The following LTBP1 variants were observed in gnomAD, a reference collection of about 807,000 sequenced individuals.
LTBP1 encodes latent transforming growth factor beta binding protein 1.
A neutral mutation model predicts 207.6 loss-of-function variants in LTBP1; 129 were observed. The ratio of observed to expected loss-of-function variants is 0.62; its 90% CI spans 0.54 to 0.72. The LOEUF (loss-of-function observed/expected upper bound fraction) is 0.72. Among genes scored for constraint, LTBP1 ranks in the 30% least tolerant of loss-of-function variants. LTBP1 has a pLI of 0.00. For missense variants in LTBP1, 2,281 were observed against 2,217.2 expected (o/e 1.03, Z -0.58); for synonymous variants, 963 against 833.7 (o/e 1.16, Z -2.67).
rs545908696 is a variant in LTBP1 at position 33,136,649 on chromosome 2, C to G, written c.1201+1689C>G. 5.9e-5 allele frequency among the ~76,000 whole-genome samples: 9 copies of G among 152,172 alleles called. No homozygotes were observed. In the East Asian group the frequency reaches 1.7e-3, roughly 29 times the overall value. On this transcript the variant is annotated intron_variant, in intron 5 of 33. Coordinates refer to ENST00000404816, the MANE Select transcript of LTBP1 (RefSeq NM_206943.4). ...TTCCCTCCTTGTGTTTATTGTAAAT[C>G]TTTACAGTAGCAATGACAAAATAAT...
At chr2:32,956,654 G>A (rs185005824) in intron 2 of LTBP1, among the ~76,000 whole-genome samples, 200 of 152,196 alleles carry the variant, frequency 1.3e-3, no homozygotes, top group East Asian at 1.2e-3. Context: ...CTGTTAATGT[G>A]GATACTTTAA....
At chr2:33,100,702 C>CT (rs1025124914) in intron 3 of LTBP1, among the ~76,000 whole-genome samples, 6 of 152,162 alleles carry the variant, frequency 3.9e-5, no homozygotes, top group African/African-American at 1.4e-4. Flanking sequence ...CTCTCTCTCT[C>CT]TCCCCCAACC....
At chr2:33,037,401 T>G (rs2075977477) in intron 3 of LTBP1, among the ~76,000 whole-genome samples, 1 of 152,228 alleles carries the variant, frequency 6.6e-6, no homozygotes, top group African/African-American at 2.4e-5. Context: ...TTTATTAATC[T>G]GCTATTCTGT....
At position 33,123,030 on chromosome 2, in the gene LTBP1, C is replaced by A. The variant is rs577924890; in HGVS notation, c.1034-11763C>A. On this transcript the variant is annotated intron_variant, in intron 4 of 33. Coordinates refer to ENST00000404816, the MANE Select transcript of LTBP1 (RefSeq NM_206943.4). Reference sequence around the variant, plus strand: ...TGACTTCTAGAGAGGGAAAACCCAGCTGCTCAACTTTTCCTCACTCTCTTT... The same window carrying A: ...TGACTTCTAGAGAGGGAAAACCCAGATGCTCAACTTTTCCTCACTCTCTTT... Among the ~76,000 whole-genome samples the A allele has an allele frequency of 3.3e-5, 5 of 152,336 alleles. No individual in the cohort carries two copies. In the South Asian group the frequency reaches 1.0e-3, roughly 32 times the overall value.
Position 33,109,670 on chromosome 2 carries a change from A to G in LTBP1, c.864-912A>G, listed in dbSNP as rs117609652. Among the ~76,000 whole-genome samples, 865 of 152,326 alleles carry G rather than the reference A, an allele frequency of 5.7e-3. 21 individuals carry two copies. The highest frequency in any genetic ancestry group is 0.04 in the South Asian group (193 of 4,824). On this transcript the variant is annotated intron_variant, in intron 3 of 33. Transcript: ENST00000404816. ...AAGATAATGAGAGTATAATTATAAA[A>G]CATTTAACTCAAATAGTACAATTTA...
chr2:33,372,034 A>T (rs1168647322), intron 31 of LTBP1, among the ~76,000 whole-genome samples: 2 of 152,226 alleles, frequency 1.3e-5, no homozygotes, highest in Non-Finnish European at 2.9e-5. Flanking sequence ...AAGGTTGAGT[A>T]CTACCTGCAG....
intron 32 of LTBP1, 142 bp from the exon 33 acceptor site, chr2:33,396,991 C>A (rs1051704269): frequency 2.9e-5 from 20 of 680,444 alleles, no homozygotes; most frequent in Non-Finnish European, 4.7e-5. Flanking sequence ...TTCAGTATTT[C>A]TAATGCTAAC....
intron 5 of LTBP1, 141 bp from the exon 6 acceptor site, chr2:33,186,715 A>G (rs1291320974): frequency 3.1e-6 from 2 of 640,756 alleles, no homozygotes; most frequent in Non-Finnish European, 2.7e-6. Context: ...TAGCGAGTTT[A>G]CTCCTCTGTT....
At chr2:33,116,511 A>G (rs1395400008) in intron 4 of LTBP1, among the ~76,000 whole-genome samples, 1 of 152,160 alleles carries the variant, frequency 6.6e-6, no homozygotes, top group Non-Finnish European at 1.5e-5. Flanking sequence ...AACGTGGGGG[A>G]GAAAGAGAGA....
At chr2:33,076,474 A>C (rs550828009) in intron 3 of LTBP1, among the ~76,000 whole-genome samples, 3 of 152,050 alleles carry the variant, frequency 2.0e-5, no homozygotes, top group Admixed American at 6.5e-5. Context: ...TTTAGCCCTT[A>C]GGGAAGAAAA....
rs71409605 is a variant in LTBP1 at position 33,244,860 on chromosome 2, TTATC to T, written c.1999+1100_1999+1103del. Among the ~76,000 whole-genome samples the T allele has an allele frequency of 3.3e-3, 491 of 150,966 alleles. 7 individuals carry two copies. Among genetic ancestry groups the T allele is most frequent in the African/African-American group, 0.01 (420 of 41,096 alleles). On this transcript the variant is annotated intron_variant, in intron 10 of 33. Transcript: ENST00000404816. Reference sequence around the variant, plus strand: ...GTTTCTTTCCTGCAAGTTTTTGTTTTTATCTATCTATCTATCTATCTATCTATTT... The same window carrying T: ...GTTTCTTTCCTGCAAGTTTTTGTTTTTATCTATCTATCTATCTATCTATTT...
chr2:33,327,882 T>C (rs1368544009), intron 24 of LTBP1, among the ~76,000 whole-genome samples: 1 of 152,178 alleles, frequency 6.6e-6, no homozygotes, highest in African/African-American at 2.4e-5. Context: ...CTCACGCCTG[T>C]AATCCCAGCA....
In LTBP1 at chr2:33,389,174, T is replaced by C. The variant is rs771138778; in HGVS notation, c.4712-10T>C. The C allele has an allele frequency of 6.2e-7, 1 of 1,614,104 alleles. No homozygotes were observed. ...GTGGTGGGGCCTCATGCTGCTTGTC[T>C]ACTCCTTAGATGACTATGCTCAGCT... On this transcript the variant is annotated splice_polypyrimidine_tract_variant and intron_variant, in intron 31 of 33. Transcript: ENST00000404816.
At chr2:33,320,832 A>G (rs1389970359) in intron 24 of LTBP1, among the ~76,000 whole-genome samples, 1 of 152,230 alleles carries the variant, frequency 6.6e-6, no homozygotes, top group Admixed American at 6.5e-5. Flanking sequence ...GGAGACTGGC[A>G]GTGGTAGATG....
intron 7 of LTBP1, among the ~76,000 whole-genome samples, chr2:33,208,082 T>C (rs1484548510): frequency 6.6e-6 from 1 of 152,252 alleles, no homozygotes; most frequent in Non-Finnish European, 1.5e-5. Context: ...AAAAATAGGA[T>C]TAACATTCCT....
intron 9 of LTBP1, among the ~76,000 whole-genome samples, chr2:33,228,861 G>A (rs181299582): frequency 2.2e-4 from 33 of 151,044 alleles, no homozygotes; most frequent in Non-Finnish European, 2.5e-4. Context: ...CACCACACCC[G>A]GCTAATTTTT....
intron 27 of LTBP1, among the ~76,000 whole-genome samples, chr2:33,361,050 T>C (rs983454500): frequency 1.3e-5 from 2 of 152,242 alleles, no homozygotes; most frequent in African/African-American, 2.4e-5. Context: ...AAAATCAGTC[T>C]TTGTTGCTGA....
intron 5 of LTBP1, among the ~76,000 whole-genome samples, chr2:33,181,797 C>A (rs1345896524): frequency 7.9e-5 from 12 of 152,326 alleles, no homozygotes; most frequent in African/African-American, 2.9e-4. Context: ...GTACTCTTTT[C>A]CTCTTGATGT....
intron 21 of LTBP1, 55 bp from the exon 22 acceptor site, chr2:33,301,467 G>A: frequency 6.6e-7 from 1 of 1,516,980 alleles, no homozygotes; most frequent in Non-Finnish European, 8.8e-7. Flanking sequence ...GAGACTGATT[G>A]AAAATGTTTT....
Sources: gnomAD v4.1 joint callset for allele counts (sites outside exome capture counted in the v4.1 genomes callset) on GRCh38, gnomAD v4.1.1 for gene constraint, MANE v1.5 for transcripts, NCBI Gene and HGNC (gene_info 2026-07-23, HGNC 2026-07-21) for gene names.